Variants in CTNNA3 observed in about 807,000 individuals in gnomAD.
The protein encoded by CTNNA3 is catenin alpha-3.
In CTNNA3, 76 loss-of-function variants were observed where a neutral mutation model predicts 95.7. The observed-to-expected ratio is 0.79, with a 90% CI of 0.66 to 0.96. The LOEUF (loss-of-function observed/expected upper bound fraction) is 0.96. Among genes scored for constraint, CTNNA3 ranks in the 40% least tolerant of loss-of-function variants. The pLI is 0.00. For missense variants in CTNNA3, 1,191 were observed against 1,089.8 expected, an observed-to-expected ratio of 1.09 and a Z score of -1.31; for synonymous variants, 431 against 374.4, an observed-to-expected ratio of 1.15 and a Z score of -1.74.
chr10:65,916,869 G>C lies in CTNNA3; in HGVS notation c.*3461C>G, dbSNP rs188857087. 6.6e-6 allele frequency: 1 copy of C among 152,132 alleles called. No homozygotes were observed. The highest frequency in any genetic ancestry group is 2.4e-5 in the African/African-American group (1 of 41,442). The allele number at this position is 152,132 out of a possible 1,614,324, so 9.4% of individuals were successfully genotyped here. On this transcript the variant is annotated 3_prime_UTR_variant, in exon 18 of 18. Transcript: ENST00000433211. ...CCTCAAAATGAAGGTTCAGGAAGCCGTTGAAGTCACTTACTCTGTTGTTAC... is the reference window on the plus strand; with the variant it reads ...CCTCAAAATGAAGGTTCAGGAAGCCCTTGAAGTCACTTACTCTGTTGTTAC...
At chr10:66,147,007 G>A (rs1422216826) in intron 13 of CTNNA3, among the ~76,000 whole-genome samples, 2 of 152,162 alleles carry the variant, frequency 1.3e-5, no homozygotes, top group East Asian at 1.9e-4. Flanking sequence ...TTTGTTCTGA[G>A]GATATAAACC....
At chr10:67,045,744 GT>G (rs1205357531) in intron 7 of CTNNA3, among the ~76,000 whole-genome samples, 1 of 151,872 alleles carries the variant, frequency 6.6e-6, no homozygotes, top group East Asian at 1.9e-4. Flanking sequence ...GCCCCCCTCT[GT>G]TTTTTTTAAA....
chr10:67,375,675 G>A (rs1370566386), intron 5 of CTNNA3, among the ~76,000 whole-genome samples: 2 of 152,030 alleles, frequency 1.3e-5, no homozygotes, highest in African/African-American at 4.8e-5. Flanking sequence ...TGTCAATAGT[G>A]CCAAGGTTAA....
At chr10:66,063,257 T>C (rs2080245308) in intron 15 of CTNNA3, among the ~76,000 whole-genome samples, 1 of 148,332 alleles carries the variant, frequency 6.7e-6, no homozygotes, top group Non-Finnish European at 1.5e-5. Context: ...GATAGATCTA[T>C]ATATAGATTT....
At chr10:66,709,635 A>C in intron 9 of CTNNA3, among the ~76,000 whole-genome samples, 1 of 152,140 alleles carries the variant, frequency 6.6e-6, no homozygotes, top group East Asian at 1.9e-4. Flanking sequence ...TATTGATTAC[A>C]AAAGTATGAA....
chr10:66,108,473 G>C (rs1425449198), intron 13 of CTNNA3, among the ~76,000 whole-genome samples: 1 of 152,068 alleles, frequency 6.6e-6, no homozygotes, highest in Non-Finnish European at 1.5e-5. Context: ...TCTCTACTCA[G>C]AGAAGTCTCC....
chr10:67,038,769 A>AT (rs1854219220), intron 7 of CTNNA3, among the ~76,000 whole-genome samples: 1 of 152,102 alleles, frequency 6.6e-6, no homozygotes, highest in Non-Finnish European at 1.5e-5. Flanking sequence ...AATATGAGAT[A>AT]TTTTTTAAAT....
chr10:66,298,009 C>T (rs911420938), intron 12 of CTNNA3, among the ~76,000 whole-genome samples: 2 of 152,148 alleles, frequency 1.3e-5, no homozygotes, highest in Non-Finnish European at 2.9e-5. Flanking sequence ...AACTAGACTC[C>T]ATAATTTGTA....
chr10:66,691,409 G>A lies in CTNNA3; in HGVS notation c.1282-69625C>T, dbSNP rs544696267. Among the ~76,000 whole-genome samples the A allele has an allele frequency of 4.6e-5, 7 of 152,270 alleles. No homozygotes were observed. The East Asian group carries it at 1.4e-3, about 30-fold the overall frequency. On this transcript the variant is annotated intron_variant, in intron 9 of 17. Coordinates refer to ENST00000433211, the MANE Select transcript of CTNNA3 (RefSeq NM_013266.4). ...CGAGGCAGCAGCGAGGCTGGGGGAG[G>A]GGCACCCACCATTGCCCAGGCTTGC...
chr10:67,174,188 T>C (rs1307058482), intron 7 of CTNNA3, among the ~76,000 whole-genome samples: 1 of 152,202 alleles, frequency 6.6e-6, no homozygotes, highest in Non-Finnish European at 1.5e-5. Context: ...AAGATAAAAA[T>C]GGCTGCCTAC....
chr10:67,601,911 T>C (rs1843094744), intron 3 of CTNNA3, among the ~76,000 whole-genome samples: 1 of 152,202 alleles, frequency 6.6e-6, no homozygotes, highest in African/African-American at 2.4e-5. Flanking sequence ...GGGCAGGTTC[T>C]TTAGGTAACC....
chr10:65,918,194 G>A lies in CTNNA3; in HGVS notation c.*2136C>T, dbSNP rs2077030455. 6.6e-6 allele frequency: 1 copy of A among 152,034 alleles called. No homozygotes were observed. Among genetic ancestry groups the A allele is most frequent in the Non-Finnish European group, 1.5e-5 (1 of 68,012 alleles). 9.4% of individuals were successfully genotyped at this position (152,034 alleles called of 1,614,324 possible). A position where few individuals can be genotyped will look rare whatever the true frequency, so the allele number is the denominator to read the frequency against. ...ATTTCAAGTTATTTCTGTTCTTTTG[G>A]TGTCCAATACTGCATGTTCTAAACT... On this transcript the variant is annotated 3_prime_UTR_variant, in exon 18 of 18. Transcript: ENST00000433211.
chr10:66,540,894 G>A (rs939390353), intron 10 of CTNNA3, among the ~76,000 whole-genome samples: 1 of 151,922 alleles, frequency 6.6e-6, no homozygotes, highest in African/African-American at 2.4e-5. Flanking sequence ...CTTTTAAAAG[G>A]GATGGTCTTC....
intron 10 of CTNNA3, among the ~76,000 whole-genome samples, chr10:66,620,080 T>C (rs1315165032): frequency 6.6e-6 from 1 of 152,156 alleles, no homozygotes; most frequent in Admixed American, 6.5e-5. Context: ...AATATCTGTA[T>C]GTTGAATAAT....
chr10:66,675,960 C>A (rs1198963968), intron 9 of CTNNA3, among the ~76,000 whole-genome samples: 1 of 151,936 alleles, frequency 6.6e-6, no homozygotes, highest in Non-Finnish European at 1.5e-5. Flanking sequence ...TCAAAAGGAC[C>A]AAAGAGAGGT....
intron 7 of CTNNA3, among the ~76,000 whole-genome samples, chr10:67,030,573 AT>A (rs143158516): frequency 0.22 from 33,379 of 151,786 alleles, 4,693 homozygotes; most frequent in East Asian, 0.44. Context: ...AATTTTATAT[AT>A]TTTTATGAAG....
At chr10:66,170,337 C>T (rs1048974715) in intron 13 of CTNNA3, among the ~76,000 whole-genome samples, 1 of 139,326 alleles carries the variant, frequency 7.2e-6, no homozygotes, top group Non-Finnish European at 1.5e-5. Flanking sequence ...AAGGCAATTT[C>T]TCTAGAACTT....
chr10:67,660,436 ATGG>A (rs1322790454), intron 1 of CTNNA3, among the ~76,000 whole-genome samples: 4 of 152,160 alleles, frequency 2.6e-5, no homozygotes, highest in Non-Finnish European at 5.9e-5. Context: ...ATTTGGGGAC[ATGG>A]TGGGCAGACT....
intron 12 of CTNNA3, among the ~76,000 whole-genome samples, chr10:66,287,790 A>T (rs1238969730): frequency 6.6e-6 from 1 of 152,152 alleles, no homozygotes; most frequent in Admixed American, 6.6e-5. Context: ...TCAAGTACAC[A>T]GAATATTTAA....
Sources: gnomAD v4.1 joint callset for allele counts (sites outside exome capture counted in the v4.1 genomes callset) on GRCh38, gnomAD v4.1.1 for gene constraint, MANE v1.5 for transcripts, NCBI Gene and HGNC (gene_info 2026-07-23, HGNC 2026-07-21) for gene names.